The following PDHX variants were observed in gnomAD, a reference collection of about 807,000 sequenced individuals.
The protein encoded by PDHX is pyruvate dehydrogenase complex component X.
Under a neutral mutation model 55.3 loss-of-function variants are expected in PDHX, and 33 were observed. That is an observed-to-expected ratio of 0.60 (90% CI 0.45 to 0.80). The LOEUF is 0.80. PDHX is among the 30% of genes least tolerant of loss of function. The pLI, the probability that PDHX is intolerant of heterozygous loss-of-function variation, is 0.00. For synonymous variants in PDHX, 226 were observed against 219.4 expected, an observed-to-expected ratio of 1.03 and a Z score of -0.27; for missense variants, 622 against 619.9, an observed-to-expected ratio of 1.00 and a Z score of -0.04.
chr11:34,970,140 G>A lies in PDHX; in HGVS notation c.818G>A (p.Gly273Asp), dbSNP rs912063026. The change falls in exon 7 of 11, where the codon GGC (glycine) becomes GAC (aspartate). Residue 273 changes from glycine to aspartate, a missense_variant and splice_region_variant. Coordinates refer to ENST00000227868, the MANE Select transcript of PDHX (RefSeq NM_003477.3). ...GGACAGGTTGCTGTCTTTTTGCAGG[G>A]CACATTCACTGAAATCCCCGCCAGC... Reference protein sequence around the residue: ...VSTPGQPNAVGTFTEIPASNI... With the variant: ...VSTPGQPNAVDTFTEIPASNI... 1.2e-6 allele frequency: 2 copies of A among 1,613,218 alleles called. No individual in the cohort carries two copies. The highest frequency in any genetic ancestry group is 1.7e-6 in the Non-Finnish European group (2 of 1,179,486).
chr11:34,974,282 C>T lies in PDHX; in HGVS notation c.965-3842C>T, dbSNP rs78388113. Among the ~76,000 whole-genome samples the T allele has an allele frequency of 5.8e-3, 881 of 152,236 alleles. 9 individuals are homozygous for T. The highest frequency in any genetic ancestry group is 0.02 in the African/African-American group (819 of 41,530). On this transcript the variant is annotated intron_variant, in intron 7 of 10. Transcript: ENST00000227868. ...TCATATAGTACTTGTCCTTTTGTGA[C>T]TGGCTTATTCCACTTGGCATTATGT...
At chr11:34,989,648 G>A (rs1388366532) in intron 9 of PDHX, among the ~76,000 whole-genome samples, 2 of 152,162 alleles carry the variant, frequency 1.3e-5, no homozygotes, top group African/African-American at 4.8e-5. Flanking sequence ...TCGTCACTTG[G>A]CTGGCTTTTT....
chr11:34,959,633 T>G (rs548938873), intron 4 of PDHX, among the ~76,000 whole-genome samples: 1 of 152,110 alleles, frequency 6.6e-6, no homozygotes, highest in East Asian at 1.9e-4. Flanking sequence ...AAAGAGATAT[T>G]TGTACATCTA....
chr11:34,960,321 A>G (rs939759843), intron 4 of PDHX, 99 bp from the exon 5 acceptor site: 2 of 773,046 alleles, frequency 2.6e-6, no homozygotes, highest in East Asian at 5.6e-5. Flanking sequence ...TTATTATAAG[A>G]TTTTTTTTTA....
At chr11:34,964,132 G>A (rs1024277762) in intron 5 of PDHX, among the ~76,000 whole-genome samples, 2 of 152,148 alleles carry the variant, frequency 1.3e-5, no homozygotes, top group African/African-American at 2.4e-5. Flanking sequence ...AATTTGTGTG[G>A]TATATTTTTC....
At chr11:34,917,057 C>T (rs1259988028) in intron 1 of PDHX, among the ~76,000 whole-genome samples, 3 of 152,088 alleles carry the variant, frequency 2.0e-5, no homozygotes, top group African/African-American at 4.8e-5. Context: ...TGTGACCTTG[C>T]CTTGGAATTT....
chr11:34,963,091 A>G (rs1189976422), intron 5 of PDHX, among the ~76,000 whole-genome samples: 2 of 152,144 alleles, frequency 1.3e-5, no homozygotes, highest in Admixed American at 6.5e-5. Flanking sequence ...CTGAAAGCAT[A>G]TATTATTGAG....
At chr11:34,953,637 G>A (rs1565158502) in intron 3 of PDHX, among the ~76,000 whole-genome samples, 1 of 152,156 alleles carries the variant, frequency 6.6e-6, no homozygotes, top group Non-Finnish European at 1.5e-5. Context: ...GGTGCTGCAT[G>A]ATAATTTTGA....
intron 1 of PDHX, among the ~76,000 whole-genome samples, chr11:34,920,391 T>C (rs561454963): frequency 2.6e-5 from 4 of 152,338 alleles, no homozygotes; most frequent in African/African-American, 9.6e-5. Context: ...ATACATATTA[T>C]AGATGTTCAA....
chr11:34,933,167 C>T (rs1385028977), intron 2 of PDHX, among the ~76,000 whole-genome samples: 1 of 152,170 alleles, frequency 6.6e-6, no homozygotes, highest in African/African-American at 2.4e-5. Flanking sequence ...GGACAATATA[C>T]ATATCTTGCA....
chr11:34,981,825 C>T (rs1289398720), intron 8 of PDHX, among the ~76,000 whole-genome samples: 1 of 152,064 alleles, frequency 6.6e-6, no homozygotes, highest in Non-Finnish European at 1.5e-5. Context: ...GTTCATATCC[C>T]TCGCCCACTT....
chr11:34,964,502 G>T (rs1336878207), intron 5 of PDHX, among the ~76,000 whole-genome samples: 3 of 152,152 alleles, frequency 2.0e-5, no homozygotes, highest in Non-Finnish European at 1.5e-5. Context: ...TACTAAAGAG[G>T]CTGAGGCATG....
chr11:34,967,258 A>G (rs898073142), intron 6 of PDHX, among the ~76,000 whole-genome samples: 3 of 152,246 alleles, frequency 2.0e-5, no homozygotes, highest in African/African-American at 4.8e-5. Context: ...CCGTTTCAAT[A>G]GTAGCTAAGT....
intron 10 of PDHX, among the ~76,000 whole-genome samples, chr11:34,993,210 G>T (rs1440890533): frequency 4.0e-5 from 6 of 151,460 alleles, no homozygotes; most frequent in South Asian, 2.1e-4. Context: ...ACCTTTATAG[G>T]ATATATATTG....
intron 7 of PDHX, among the ~76,000 whole-genome samples, chr11:34,974,652 A>G (rs551572621): frequency 1.3e-5 from 2 of 152,312 alleles, no homozygotes; most frequent in South Asian, 2.1e-4. Context: ...TGGGTCAGGC[A>G]TGATGGCTCA....
chr11:34,952,376 A>T (rs1854795560), intron 3 of PDHX, among the ~76,000 whole-genome samples: 1 of 152,152 alleles, frequency 6.6e-6, no homozygotes, highest in African/African-American at 2.4e-5. Flanking sequence ...AGCCGGGCAG[A>T]GACACAACAA....
At chr11:34,958,889 AT>A (rs900516328) in intron 4 of PDHX, among the ~76,000 whole-genome samples, 4 of 151,712 alleles carry the variant, frequency 2.6e-5, no homozygotes, top group Non-Finnish European at 4.4e-5. Flanking sequence ...TGAAAAAAAA[AT>A]TTTTTTTTGG....
chr11:34,960,041 G>C (rs901460911), intron 4 of PDHX, among the ~76,000 whole-genome samples: 1 of 152,162 alleles, frequency 6.6e-6, no homozygotes, highest in African/African-American at 2.4e-5. Flanking sequence ...TGCTTAAAAT[G>C]ATAAATTTTA....
intron 1 of PDHX, among the ~76,000 whole-genome samples, chr11:34,918,780 C>G (rs1853805110): frequency 1.3e-5 from 2 of 152,192 alleles, no homozygotes; most frequent in African/African-American, 4.8e-5. Flanking sequence ...GAGCTGCATT[C>G]TTTTCTGGAG....
Sources: allele counts gnomAD v4.1 joint callset (sites outside exome capture counted in the v4.1 genomes callset), GRCh38; gene constraint gnomAD v4.1.1; transcripts MANE v1.5; gene names NCBI Gene and HGNC (gene_info 2026-07-23, HGNC 2026-07-21).